The following SLIT3 variants were observed in gnomAD, a reference collection of about 807,000 sequenced individuals.
The protein encoded by SLIT3 is slit homolog 3 protein.
Under a neutral mutation model 184.0 loss-of-function variants are expected in SLIT3, and 68 were observed. The observed-to-expected ratio is 0.37, with a 90% CI of 0.30 to 0.45. The LOEUF (loss-of-function observed/expected upper bound fraction) is 0.45, where lower values mean the gene tolerates loss of function less well. Ranked by LOEUF, SLIT3 falls within the 20% of genes least tolerant of loss-of-function variation. The pLI is 1.00. For missense variants in SLIT3, 1,707 were observed against 2,026.0 expected (o/e 0.84, Z 3.02); for synonymous variants, 831 against 828.6 (o/e 1.00, Z -0.05).
chr5:168,880,351 CTTCCACCTCTCT>C (rs1336388654), intron 5 of SLIT3, among the ~76,000 whole-genome samples: 4 of 152,230 alleles, frequency 2.6e-5, no homozygotes, highest in Non-Finnish European at 5.9e-5. Context: ...CAGCAACCGG[CTTCCACCTCTCT>C]TTCTAACCCA....
intron 4 of SLIT3, among the ~76,000 whole-genome samples, chr5:168,961,833 T>C (rs897418728): frequency 6.6e-6 from 1 of 151,508 alleles, no homozygotes; most frequent in Non-Finnish European, 1.5e-5. Context: ...AGCAATACTA[T>C]ACTATTTCAG....
Position 169,193,399 on chromosome 5 carries a change from G to A in SLIT3, c.413+80C>T, listed in dbSNP as rs900754890. The A allele has an allele frequency of 6.7e-5, 80 of 1,199,402 alleles. 2 individuals carry two copies. The South Asian group carries it at 7.5e-4, about 11-fold the overall frequency. The allele number at this position is 1,199,402 out of a possible 1,614,324, so 74.3% of individuals were successfully genotyped here. ...CTAACTGCCAAGCTCCACACGGCAC[G>A]GCGCTCCACAAACCACATCCTCCAC... On this transcript the variant is annotated intron_variant, in intron 4 of 35. Transcript: ENST00000519560.
chr5:168,934,173 A>G (rs999887206), intron 4 of SLIT3, among the ~76,000 whole-genome samples: 1 of 152,144 alleles, frequency 6.6e-6, no homozygotes, highest in Non-Finnish European at 1.5e-5. Context: ...AAAGAGGGAG[A>G]ACGCTCCTCG....
chr5:168,798,698 G>T (rs1195218036), intron 9 of SLIT3, among the ~76,000 whole-genome samples: 1 of 152,110 alleles, frequency 6.6e-6, no homozygotes, highest in Non-Finnish European at 1.5e-5. Flanking sequence ...AACAGTTTGT[G>T]TACCTTCAAT....
intron 4 of SLIT3, among the ~76,000 whole-genome samples, chr5:168,988,056 C>T (rs1311956191): frequency 3.9e-5 from 6 of 152,214 alleles, no homozygotes; most frequent in Admixed American, 6.5e-5. Context: ...AGAAAGCCTG[C>T]GGGGTTTAGA....
rs191850017 is a variant in SLIT3 at position 169,193,511 on chromosome 5, C to A, written c.381G>T (p.Leu127Phe). The A allele has an allele frequency of 1.9e-6, 3 of 1,614,086 alleles. No individual in the cohort carries two copies. The highest frequency in any genetic ancestry group is 4.5e-5 in the East Asian group (2 of 44,886). The change falls in exon 4 of 36, where the codon TTG (leucine) becomes TTT (phenylalanine). Residue 127 changes from leucine (L) to phenylalanine (F), a missense_variant. Coordinates refer to ENST00000519560, the MANE Select transcript of SLIT3 (RefSeq NM_003062.4). ...NKNKLQVLPE[L>F]LFQSTPKLTR... The stretch of plus-strand genomic sequence containing the variant: ...TGAGCTTCGGCGTGCTCTGGAAAAG[C>A]AATTCTGGAAGGACTTGCAGCTTAT...
Position 168,802,420 on chromosome 5 carries a change from G to A in SLIT3, c.935+4026C>T, listed in dbSNP as rs1025192282. Reference sequence around the variant, plus strand: ...CCCTATCCAGCCATAGAAACTTGCCGCCTCTGCTTTAATTTTTCAGTTTCA... The same window carrying A: ...CCCTATCCAGCCATAGAAACTTGCCACCTCTGCTTTAATTTTTCAGTTTCA... On this transcript the variant is annotated intron_variant, in intron 9 of 35. Transcript: ENST00000519560. Among the ~76,000 whole-genome samples, 7 of 152,230 alleles carry A rather than the reference G, an allele frequency of 4.6e-5. No homozygotes were observed. In the East Asian group the frequency reaches 5.8e-4, roughly 13 times the overall value.
intron 20 of SLIT3, among the ~76,000 whole-genome samples, chr5:168,725,916 C>G (rs1763094770): frequency 1.3e-5 from 2 of 152,224 alleles, no homozygotes; most frequent in Admixed American, 6.5e-5. Flanking sequence ...CGTGCATTAT[C>G]TTTAATTGTT....
intron 4 of SLIT3, among the ~76,000 whole-genome samples, chr5:168,931,724 T>G (rs1030218180): frequency 5.3e-5 from 8 of 152,328 alleles, no homozygotes; most frequent in Admixed American, 3.9e-4. Context: ...TAAGTAAGTG[T>G]CAGTGAATAA....
chr5:168,847,188 G>A (rs772783223), intron 5 of SLIT3, among the ~76,000 whole-genome samples: 11 of 152,308 alleles, frequency 7.2e-5, no homozygotes, highest in South Asian at 2.1e-4. Context: ...GGGGAAAACT[G>A]AGCTTTACTA....
At chr5:168,901,972 G>C (rs1315202399) in intron 4 of SLIT3, among the ~76,000 whole-genome samples, 1 of 152,162 alleles carries the variant, frequency 6.6e-6, no homozygotes, top group Non-Finnish European at 1.5e-5. Context: ...CGCGATCTCG[G>C]CTCACTGCAA....
At chr5:169,265,788 G>C (rs1311141885) in intron 1 of SLIT3, among the ~76,000 whole-genome samples, 2 of 152,186 alleles carry the variant, frequency 1.3e-5, no homozygotes, top group Non-Finnish European at 2.9e-5. Context: ...CCATCAATTG[G>C]CTGATTATTA....
At chr5:168,787,177 A>G (rs903963270) in intron 11 of SLIT3, among the ~76,000 whole-genome samples, 9 of 152,262 alleles carry the variant, frequency 5.9e-5, no homozygotes, top group African/African-American at 2.2e-4. Flanking sequence ...GCTCAGGCAC[A>G]CATTTGTAAT....
intron 12 of SLIT3, among the ~76,000 whole-genome samples, chr5:168,784,010 A>G (rs1468490135): frequency 6.6e-6 from 1 of 152,194 alleles, no homozygotes; most frequent in Admixed American, 6.5e-5. Context: ...TGAGATACAC[A>G]TCTTTTTAAG....
chr5:168,698,394 A>C (rs1017308182), intron 27 of SLIT3, among the ~76,000 whole-genome samples: 2 of 152,176 alleles, frequency 1.3e-5, no homozygotes, highest in African/African-American at 4.8e-5. Flanking sequence ...ATGGGAAAGC[A>C]GACACAGAGA....
intron 28 of SLIT3, among the ~76,000 whole-genome samples, chr5:168,693,873 G>A (rs867562796): frequency 2.7e-4 from 41 of 152,174 alleles, no homozygotes; most frequent in African/African-American, 8.9e-4. Context: ...GACCACAGAA[G>A]GCACTATGTT....
chr5:168,876,723 T>C (rs1759746846), intron 5 of SLIT3, among the ~76,000 whole-genome samples: 1 of 152,230 alleles, frequency 6.6e-6, no homozygotes, highest in African/African-American at 2.4e-5. Context: ...CCTTAATCCA[T>C]GGCCTATGAC....
chr5:168,924,345 T>A (rs958012383), intron 4 of SLIT3, among the ~76,000 whole-genome samples: 5 of 152,162 alleles, frequency 3.3e-5, no homozygotes, highest in Non-Finnish European at 5.9e-5. Flanking sequence ...CTTCTCTCCT[T>A]CCTGCGGGTT....
intron 4 of SLIT3, chr5:168,992,851 G>A (rs1287274554): frequency 2.0e-5 from 3 of 152,208 alleles, no homozygotes; most frequent in Non-Finnish European, 4.4e-5. Flanking sequence ...AATCCCAGGT[G>A]CATTAGCATT....
Sources: gnomAD v4.1 joint callset for allele counts (sites outside exome capture counted in the v4.1 genomes callset) on GRCh38, gnomAD v4.1.1 for gene constraint, MANE v1.5 for transcripts, NCBI Gene and HGNC (gene_info 2026-07-23, HGNC 2026-07-21) for gene names.